The following KIAA1217 variants were observed in gnomAD, a reference collection of about 807,000 sequenced individuals.
The protein encoded by KIAA1217 is sickle tail protein homolog.
A neutral mutation model predicts 163.9 loss-of-function variants in KIAA1217; 88 were observed. The ratio of observed to expected loss-of-function variants is 0.54; its 90% CI spans 0.45 to 0.64. The LOEUF is 0.64. KIAA1217 is among the 30% of genes least tolerant of loss of function. KIAA1217 has a pLI of 0.00. For synonymous variants in KIAA1217, 903 were observed against 923.1 expected, an observed-to-expected ratio of 0.98 and a Z score of 0.39; for missense variants, 2,372 against 2,475.0, an observed-to-expected ratio of 0.96 and a Z score of 0.88.
chr10:24,464,636 C>G (rs1026523015), intron 5 of KIAA1217, among the ~76,000 whole-genome samples: 3 of 152,246 alleles, frequency 2.0e-5, no homozygotes, highest in Admixed American at 1.3e-4. Context: ...CAGGCATGCA[C>G]CAGCATGCCC....
intron 14 of KIAA1217, among the ~76,000 whole-genome samples, chr10:24,529,303 A>G (rs1033616540): frequency 6.6e-6 from 1 of 152,118 alleles, no homozygotes; most frequent in Non-Finnish European, 1.5e-5. Flanking sequence ...ACATCCTCCC[A>G]TATACTTTAC....
chr10:24,414,974 TG>T (rs2058107481), intron 3 of KIAA1217, among the ~76,000 whole-genome samples: 1 of 152,068 alleles, frequency 6.6e-6, no homozygotes, highest in Non-Finnish European at 1.5e-5. Flanking sequence ...AAGGGCGGAT[TG>T]GAAAGCTAGG....
At chr10:23,790,127 ACATATG>A (rs1835700046) in intron 1 of KIAA1217, among the ~76,000 whole-genome samples, 1 of 87,152 alleles carries the variant, frequency 1.1e-5, no homozygotes, top group Non-Finnish European at 2.2e-5. Context: ...ACACATATAC[ACATATG>A]CATATACACA....
At chr10:24,136,169 G>A (rs1294958974) in intron 2 of KIAA1217, among the ~76,000 whole-genome samples, 4 of 152,092 alleles carry the variant, frequency 2.6e-5, no homozygotes, top group Non-Finnish European at 5.9e-5. Flanking sequence ...GATCCATTCG[G>A]CATCGGTACA....
intron 2 of KIAA1217, among the ~76,000 whole-genome samples, chr10:24,272,364 G>C (rs2076857395): frequency 6.6e-6 from 1 of 152,042 alleles, no homozygotes; most frequent in South Asian, 2.1e-4. Context: ...TTTTGGCCTT[G>C]GTTATCTTAT....
chr10:24,183,795 G>T (rs1264808257), intron 2 of KIAA1217, among the ~76,000 whole-genome samples: 1 of 152,172 alleles, frequency 6.6e-6, no homozygotes, highest in Non-Finnish European at 1.5e-5. Flanking sequence ...CTCGGGGAAT[G>T]GTTCTGCACC....
chr10:24,280,560 C>T (rs2077793605), intron 2 of KIAA1217, among the ~76,000 whole-genome samples: 1 of 152,110 alleles, frequency 6.6e-6, no homozygotes, highest in African/African-American at 2.4e-5. Context: ...GCCTGTAATC[C>T]CAGCACTTTG....
At chr10:24,266,836 C>G (rs2076286082) in intron 2 of KIAA1217, among the ~76,000 whole-genome samples, 1 of 152,212 alleles carries the variant, frequency 6.6e-6, no homozygotes, top group African/African-American at 2.4e-5. Flanking sequence ...GCTCGGTCCC[C>G]TTCCACGATG....
At chr10:24,494,441 C>A in intron 6 of KIAA1217, 59 bp from the exon 7 acceptor site, 2 of 1,427,566 alleles carry the variant, frequency 1.4e-6, no homozygotes, top group Non-Finnish European at 2.0e-6. Context: ...GTGCATTCAC[C>A]CGGACAAACT....
At chr10:24,259,861 T>A (rs963510307) in intron 2 of KIAA1217, among the ~76,000 whole-genome samples, 1 of 152,126 alleles carries the variant, frequency 6.6e-6, no homozygotes, top group African/African-American at 2.4e-5. Context: ...ACTTCCTTCC[T>A]CCTCCCCACT....
intron 3 of KIAA1217, among the ~76,000 whole-genome samples, chr10:24,400,382 T>C (rs549502315): frequency 2.0e-4 from 30 of 152,326 alleles, no homozygotes; most frequent in African/African-American, 7.2e-4. Flanking sequence ...CTTAAGTTGC[T>C]TGCCCAGTGC....
chr10:24,072,971 T>C (rs1227123302), intron 2 of KIAA1217, among the ~76,000 whole-genome samples: 1 of 150,352 alleles, frequency 6.7e-6, no homozygotes, highest in Non-Finnish European at 1.5e-5. Flanking sequence ...AGTGGGAGCA[T>C]CACTTGAGCC....
chr10:24,024,058 G>T (rs1847845452), intron 2 of KIAA1217, among the ~76,000 whole-genome samples: 1 of 151,458 alleles, frequency 6.6e-6, no homozygotes, highest in South Asian at 2.1e-4. Context: ...GTGTATACAT[G>T]TGTAAAAATC....
intron 1 of KIAA1217, among the ~76,000 whole-genome samples, chr10:23,792,222 A>G (rs1000188606): frequency 6.6e-6 from 1 of 152,234 alleles, no homozygotes; most frequent in African/African-American, 2.4e-5. Flanking sequence ...ACTTTCTGCC[A>G]TAGCTATTCC....
intron 2 of KIAA1217, among the ~76,000 whole-genome samples, chr10:24,318,670 G>T (rs1020401295): frequency 6.6e-6 from 1 of 152,064 alleles, no homozygotes; most frequent in African/African-American, 2.4e-5. Context: ...GTTGGGCACC[G>T]CACAACTCCC....
chr10:24,493,027 G>A (rs767490897), intron 6 of KIAA1217, among the ~76,000 whole-genome samples: 6 of 152,114 alleles, frequency 3.9e-5, no homozygotes, highest in African/African-American at 7.2e-5. Context: ...TGTATTTATA[G>A]TAGAGACGGG....
intron 2 of KIAA1217, among the ~76,000 whole-genome samples, chr10:24,133,886 G>A (rs1210008071): frequency 6.6e-6 from 1 of 152,156 alleles, no homozygotes; most frequent in Non-Finnish European, 1.5e-5. Flanking sequence ...TTCTTAACTA[G>A]GAGTGGTCAG....
chr10:24,413,523 C>T (rs2057983939), intron 3 of KIAA1217, among the ~76,000 whole-genome samples: 1 of 152,150 alleles, frequency 6.6e-6, no homozygotes, highest in African/African-American at 2.4e-5. Context: ...CATCTTGTCA[C>T]ACCTCTGCTC....
At chr10:23,805,137 C>T (rs746982439) in intron 1 of KIAA1217, among the ~76,000 whole-genome samples, 98 of 152,036 alleles carry the variant, frequency 6.4e-4, no homozygotes, top group Admixed American at 1.1e-3. Flanking sequence ...ACAGAAATAC[C>T]ATTCGACCTA....
Sources: allele counts gnomAD v4.1 joint callset (sites outside exome capture counted in the v4.1 genomes callset), GRCh38; gene constraint gnomAD v4.1.1; transcripts MANE v1.5; gene names NCBI Gene and HGNC (gene_info 2026-07-23, HGNC 2026-07-21).